The following PRCP variants were observed in gnomAD, a reference collection of about 807,000 sequenced individuals.
PRCP encodes lysosomal Pro-X carboxypeptidase.
PRCP carries 46 observed loss-of-function variants against 54.2 expected under a neutral mutation model. The observed-to-expected ratio is 0.85, with a 90% confidence interval of 0.67 to 1.09. PRCP has a LOEUF of 1.09. PRCP is among the 50% of genes least tolerant of loss of function. The pLI, the probability that PRCP is intolerant of heterozygous loss-of-function variation, is 0.00. For missense variants in PRCP, 613 were observed against 596.8 expected (o/e 1.03, Z -0.28); for synonymous variants, 240 against 212.2 (o/e 1.13, Z -1.14).
chr11:82,850,641 C>T (rs1858933449), intron 3 of PRCP, 136 bp from the exon 4 acceptor site: 3 of 566,272 alleles, frequency 5.3e-6, no homozygotes, highest in Non-Finnish European at 8.1e-6. Context: ...AGCTAAAATG[C>T]CTAGTCAAAG....
chr11:82,869,911 C>T (rs1332329796), intron 1 of PRCP, among the ~76,000 whole-genome samples: 3 of 152,202 alleles, frequency 2.0e-5, no homozygotes, highest in Non-Finnish European at 4.4e-5. Flanking sequence ...CACCACATAA[C>T]ATTTGGACTG....
intron 1 of PRCP, among the ~76,000 whole-genome samples, chr11:82,895,079 A>G (rs1860088299): frequency 6.6e-6 from 1 of 152,006 alleles, no homozygotes; most frequent in African/African-American, 2.4e-5. Context: ...AGCCATGTAC[A>G]TTAGGAAACT....
chr11:82,844,982 G>C (rs1858771217), intron 6 of PRCP, among the ~76,000 whole-genome samples: 3 of 148,274 alleles, frequency 2.0e-5, no homozygotes, highest in African/African-American at 7.4e-5. Flanking sequence ...CAAAAACTTA[G>C]AATGAATTTT....
At chr11:82,897,138 G>A (rs1406458594) in intron 1 of PRCP, among the ~76,000 whole-genome samples, 3 of 152,102 alleles carry the variant, frequency 2.0e-5, no homozygotes, top group African/African-American at 4.8e-5. Context: ...CCAGAGCCTC[G>A]ATGTGCCCAA....
At chr11:82,886,579 T>C (rs1399296283) in intron 1 of PRCP, among the ~76,000 whole-genome samples, 1 of 152,188 alleles carries the variant, frequency 6.6e-6, no homozygotes, top group East Asian at 1.9e-4. Context: ...CCAACATGTT[T>C]GGTTGAACTA....
intron 5 of PRCP, among the ~76,000 whole-genome samples, 184 bp from the exon 6 acceptor site, chr11:82,849,402 A>C (rs1858891270): frequency 2.0e-5 from 3 of 152,248 alleles, no homozygotes; most frequent in Admixed American, 1.3e-4. Flanking sequence ...AGAGTTTACC[A>C]TAATTAGTAT....
chr11:82,893,186 G>A (rs926813405), intron 1 of PRCP, among the ~76,000 whole-genome samples: 3 of 152,212 alleles, frequency 2.0e-5, no homozygotes, highest in African/African-American at 7.2e-5. Context: ...CCACTGCTAA[G>A]TGTTCATGAA....
intron 8 of PRCP, among the ~76,000 whole-genome samples, chr11:82,833,600 T>C (rs1212747710): frequency 1.3e-5 from 2 of 152,226 alleles, no homozygotes; most frequent in Non-Finnish European, 2.9e-5. Flanking sequence ...ACTCCCTTTA[T>C]GTTCTGTGGC....
At position 82,868,831 on chromosome 11, in the gene PRCP, T is replaced by C. The variant is rs181282359; in HGVS notation, c.169-8714A>G. ...GGGAGGATCAAATTGAGGCCAGGAGTTCGAGACCAGCCTGCCCAACATGGC... is the reference window on the plus strand; with the variant it reads ...GGGAGGATCAAATTGAGGCCAGGAGCTCGAGACCAGCCTGCCCAACATGGC... On this transcript the variant is annotated intron_variant, in intron 1 of 8. Transcript: ENST00000313010. 7.9e-3 allele frequency among the ~76,000 whole-genome samples: 1,197 copies of C among 151,760 alleles called. 13 individuals are homozygous for C. Among genetic ancestry groups the C allele is most frequent in the Non-Finnish European group, 9.7e-3 (659 of 67,916 alleles).
chr11:82,862,350 C>A (rs1310663014), intron 1 of PRCP, among the ~76,000 whole-genome samples: 1 of 152,152 alleles, frequency 6.6e-6, no homozygotes, highest in Non-Finnish European at 1.5e-5. Flanking sequence ...TCTGAATTTA[C>A]AGATTTACCC....
Position 82,825,040 on chromosome 11 carries a change from C to T in PRCP, c.1357G>A (p.Gly453Arg). 1.2e-6 allele frequency: 2 copies of T among 1,614,022 alleles called. No individual in the cohort carries two copies. Among genetic ancestry groups the T allele is most frequent in the Non-Finnish European group, 8.5e-7 (1 of 1,179,960 alleles). Residue 453 changes from glycine (G) to arginine (R), a missense_variant, in exon 9 of 9, where the codon GGG (glycine) becomes AGG (arginine). Coordinates refer to ENST00000313010, the MANE Select transcript of PRCP (RefSeq NM_005040.4). Reference sequence around the variant, plus strand: ...GTGCGGAGATCTAAGTGGTGGGCCCCCTCTGAGATGGTGACTGCAACCAGA... The same window carrying T: ...GTGCGGAGATCTAAGTGGTGGGCCCTCTCTGAGATGGTGACTGCAACCAGA... ...DTLVAVTISE[G>R]AHHLDLRTKN...
intron 1 of PRCP, among the ~76,000 whole-genome samples, chr11:82,864,970 G>A (rs887261991): frequency 5.9e-5 from 9 of 152,120 alleles, no homozygotes; most frequent in Admixed American, 2.0e-4. Context: ...TGGGGACAGC[G>A]GGGGTGGGAG....
intron 3 of PRCP, among the ~76,000 whole-genome samples, chr11:82,851,092 T>C (rs1373218740): frequency 6.6e-6 from 1 of 152,208 alleles, no homozygotes; most frequent in Non-Finnish European, 1.5e-5. Flanking sequence ...GGAAAACTCA[T>C]AATGTTAAGT....
At chr11:82,852,582 TA>T (rs1302086239) in intron 3 of PRCP, among the ~76,000 whole-genome samples, 2 of 152,170 alleles carry the variant, frequency 1.3e-5, no homozygotes, top group Non-Finnish European at 2.9e-5. Flanking sequence ...CGTGGCAAAT[TA>T]ATATAGCCAA....
intron 2 of PRCP, among the ~76,000 whole-genome samples, 169 bp from the exon 3 acceptor site, chr11:82,853,447 T>A (rs949178741): frequency 5.9e-5 from 9 of 152,234 alleles, no homozygotes; most frequent in African/African-American, 2.2e-4. Context: ...TGATGTCTTA[T>A]TGTTGCATAT....
intron 2 of PRCP, among the ~76,000 whole-genome samples, chr11:82,854,119 A>T (rs1017921088): frequency 1.1e-4 from 16 of 152,094 alleles, no homozygotes; most frequent in African/African-American, 3.9e-4. Flanking sequence ...CTGTCTCAGC[A>T]CTCTTATCCA....
chr11:82,839,528 T>TA, intron 6 of PRCP, 103 bp from the exon 7 acceptor site: 2 of 1,283,368 alleles, frequency 1.6e-6, no homozygotes, highest in Non-Finnish European at 2.2e-6. Context: ...GATCATAAAA[T>TA]ATTCTTAAGC....
chr11:82,864,042 C>T (rs1288762009), intron 1 of PRCP, among the ~76,000 whole-genome samples: 5 of 152,182 alleles, frequency 3.3e-5, no homozygotes, highest in Non-Finnish European at 5.9e-5. Flanking sequence ...AGGGAAAATG[C>T]ACCTAATGTA....
intron 8 of PRCP, chr11:82,835,919 G>T: frequency 2.6e-6 from 1 of 389,414 alleles, no homozygotes; most frequent in East Asian, 7.7e-5. Context: ...CTAGCCGGGC[G>T]TGGTGGCTCA....
Sources: allele counts gnomAD v4.1 joint callset (sites outside exome capture counted in the v4.1 genomes callset), GRCh38; gene constraint gnomAD v4.1.1; transcripts MANE v1.5; gene names NCBI Gene and HGNC (gene_info 2026-07-23, HGNC 2026-07-21).